The following MAP2K1 variants were observed in gnomAD, a reference collection of about 807,000 sequenced individuals.
MAP2K1 encodes dual specificity mitogen-activated protein kinase kinase 1.
A neutral mutation model predicts 46.3 loss-of-function variants in MAP2K1; 16 were observed. The observed-to-expected ratio is 0.35, with a 90% CI of 0.23 to 0.52. The LOEUF (loss-of-function observed/expected upper bound fraction) is 0.52. MAP2K1 is among the 20% of genes least tolerant of loss of function. The probability of loss-of-function intolerance (pLI) is 0.94; values close to 1 mark genes in which losing one functional copy is unlikely to be tolerated. For synonymous variants in MAP2K1, 183 were observed against 185.6 expected, an observed-to-expected ratio of 0.99 and a Z score of 0.11; for missense variants, 263 against 497.1, an observed-to-expected ratio of 0.53 and a Z score of 4.48.
At chr15:66,473,058 G>C (rs1423971395) in intron 5 of MAP2K1, among the ~76,000 whole-genome samples, 1 of 152,168 alleles carries the variant, frequency 6.6e-6, no homozygotes, top group Non-Finnish European at 1.5e-5. Flanking sequence ...AAGAACTCAA[G>C]TTAGCCAGGT....
intron 1 of MAP2K1, chr15:66,415,101 G>A (rs1201044951): frequency 1.9e-6 from 1 of 517,462 alleles, no homozygotes; most frequent in East Asian, 5.4e-5. Flanking sequence ...CTCCGGTAGT[G>A]CCACTATTGC....
At chr15:66,436,058 C>T (rs1157269560) in intron 2 of MAP2K1, among the ~76,000 whole-genome samples, 2 of 152,144 alleles carry the variant, frequency 1.3e-5, no homozygotes, top group Non-Finnish European at 2.9e-5. Context: ...GGTGTTCACT[C>T]CTGTGCCCAT....
intron 1 of MAP2K1, among the ~76,000 whole-genome samples, chr15:66,410,205 G>A (rs763383451): frequency 1.1e-4 from 16 of 152,188 alleles, no homozygotes; most frequent in Non-Finnish European, 2.2e-4. Flanking sequence ...AGAGTCTATG[G>A]CATGTTCAGT....
At chr15:66,463,011 C>G (rs1012516810) in intron 5 of MAP2K1, among the ~76,000 whole-genome samples, 1 of 152,204 alleles carries the variant, frequency 6.6e-6, no homozygotes, top group Non-Finnish European at 1.5e-5. Flanking sequence ...AAGACACCAC[C>G]TCTCAGCAAC....
chr15:66,461,380 G>C (rs1217344344), intron 5 of MAP2K1, among the ~76,000 whole-genome samples: 1 of 151,966 alleles, frequency 6.6e-6, no homozygotes, highest in Non-Finnish European at 1.5e-5. Flanking sequence ...AGCAGGCTTA[G>C]GCACGAGACT....
Position 66,481,888 on chromosome 15 carries a change from A to AGAAGTTTCCATTGCTT in MAP2K1, c.693+12_693+27dup, listed in dbSNP as rs1892923065. 1 of 1,613,118 alleles carries AGAAGTTTCCATTGCTT rather than the reference A, an allele frequency of 6.2e-7. No homozygotes were observed. Among genetic ancestry groups the AGAAGTTTCCATTGCTT allele is most frequent in the Non-Finnish European group, 8.5e-7 (1 of 1,179,420 alleles). ...CAAGGTCCTACATGTCGGTATGAAC[A>AGAAGTTTCCATTGCTT]GAAGTTTCCATTGCTTGAGCTTCTT... On this transcript the variant is annotated intron_variant, in intron 6 of 10. Coordinates refer to ENST00000307102, the MANE Select transcript of MAP2K1 (RefSeq NM_002755.4).
intron 1 of MAP2K1, among the ~76,000 whole-genome samples, chr15:66,398,375 A>G (rs1043288605): frequency 2.6e-5 from 4 of 152,176 alleles, no homozygotes; most frequent in East Asian, 1.9e-4. Context: ...TAATCGTGCC[A>G]CTGCACTCTA....
At chr15:66,398,137 G>T (rs541530931) in intron 1 of MAP2K1, among the ~76,000 whole-genome samples, 2 of 151,712 alleles carry the variant, frequency 1.3e-5, no homozygotes, top group African/African-American at 4.8e-5. Context: ...GGGCATGGTG[G>T]CACACACCTG....
intron 5 of MAP2K1, among the ~76,000 whole-genome samples, chr15:66,449,598 A>G (rs1891979453): frequency 6.6e-6 from 1 of 152,204 alleles, no homozygotes; most frequent in Non-Finnish European, 1.5e-5. Flanking sequence ...TGGTAACTGT[A>G]GGCTGGGTGC....
Position 66,469,693 on chromosome 15 carries a change from G to GACACAC in MAP2K1, c.569-12036_569-12031dup, listed in dbSNP as rs56197290. Among the ~76,000 whole-genome samples, 110 of 84,912 alleles carry GACACAC rather than the reference G, an allele frequency of 1.3e-3. 5 individuals carry two copies. The highest frequency in any genetic ancestry group is 3.4e-3 in the African/African-American group (76 of 22,572). 55.7% of individuals were successfully genotyped at this position (84,912 alleles called of 152,430 possible). ...ACCCAAAACATAAAATCCTTTTAAAGACACACACACACACACACACACACA... is the reference window on the plus strand; with the variant it reads ...ACCCAAAACATAAAATCCTTTTAAAGACACACACACACACACACACACACACACACA... On this transcript the variant is annotated intron_variant, in intron 5 of 10. Transcript: ENST00000307102.
chr15:66,452,627 G>C (rs969234039), intron 5 of MAP2K1, among the ~76,000 whole-genome samples: 1 of 152,204 alleles, frequency 6.6e-6, no homozygotes, highest in Non-Finnish European at 1.5e-5. Flanking sequence ...TGAGGTCAGT[G>C]TTGTAGGAAC....
chr15:66,458,059 G>A (rs1278958193), intron 5 of MAP2K1, among the ~76,000 whole-genome samples: 1 of 152,146 alleles, frequency 6.6e-6, no homozygotes, highest in Admixed American at 6.5e-5. Context: ...GTGGGTAGGA[G>A]ACAGGATTAT....
At chr15:66,468,672 C>G (rs1354259548) in intron 5 of MAP2K1, among the ~76,000 whole-genome samples, 4 of 152,128 alleles carry the variant, frequency 2.6e-5, no homozygotes, top group Admixed American at 2.6e-4. Flanking sequence ...GTGGCTCACA[C>G]CTGTAATCCC....
intron 1 of MAP2K1, among the ~76,000 whole-genome samples, chr15:66,420,918 CATACATAT>C (rs2093440003): frequency 7.1e-6 from 1 of 140,044 alleles, no homozygotes; most frequent in African/African-American, 2.6e-5. Context: ...CACACACATA[CATACATAT>C]ATATACACAC....
chr15:66,456,750 G>A (rs1892175455), intron 5 of MAP2K1, among the ~76,000 whole-genome samples: 1 of 152,192 alleles, frequency 6.6e-6, no homozygotes, highest in African/African-American at 2.4e-5. Flanking sequence ...GCCACCCTGG[G>A]TTATACACTC....
At chr15:66,447,423 C>T (rs1239787189) in intron 5 of MAP2K1, among the ~76,000 whole-genome samples, 2 of 151,994 alleles carry the variant, frequency 1.3e-5, no homozygotes, top group African/African-American at 4.8e-5. Context: ...GGCGTAGTGG[C>T]TCATGCATAG....
rs533848560 is a variant in MAP2K1, at chr15:66,410,047, G to A, written c.80+22620G>A. On this transcript the variant is annotated intron_variant, in intron 1 of 10. Transcript: ENST00000307102. ...TCCTGTATGTATATATGAAGAGGTTGAGGCCCAGAGAGACTGGGCAGCCTA... is the reference window on the plus strand; with the variant it reads ...TCCTGTATGTATATATGAAGAGGTTAAGGCCCAGAGAGACTGGGCAGCCTA... Among the ~76,000 whole-genome samples the A allele has an allele frequency of 5.3e-5, 8 of 152,272 alleles. 1 individual carries two copies. In the East Asian group the frequency reaches 1.5e-3, roughly 29 times the overall value.
chr15:66,392,516 A>G (rs1341427016), intron 1 of MAP2K1, among the ~76,000 whole-genome samples: 2 of 149,438 alleles, frequency 1.3e-5, no homozygotes, highest in African/African-American at 2.5e-5. Flanking sequence ...ACCATCCCTA[A>G]ATTTTATATC....
Position 66,436,850 on chromosome 15 carries a change from G to T in MAP2K1, c.396G>T (p.Ala132=), listed in dbSNP as rs139364105. The T allele has an allele frequency of 1.2e-5, 20 of 1,614,058 alleles. 1 individual carries two copies. In the South Asian group the frequency reaches 2.2e-4, roughly 18 times the overall value. ...NSPYIVGFYG[A]FYSDGEISIC... is the part of the protein sequence containing the mutation. Reference sequence around the variant, plus strand: ...CGTACATCGTGGGCTTCTATGGTGCGTTCTACAGCGATGGCGAGATCAGTA... The same window carrying T: ...CGTACATCGTGGGCTTCTATGGTGCTTTCTACAGCGATGGCGAGATCAGTA... Residue 132 remains alanine, a synonymous_variant, in exon 3 of 11, where the codon GCG becomes GCT. Transcript: ENST00000307102.
Sources: allele counts gnomAD v4.1 joint callset (sites outside exome capture counted in the v4.1 genomes callset), GRCh38; gene constraint gnomAD v4.1.1; transcripts MANE v1.5; gene names NCBI Gene and HGNC (gene_info 2026-07-23, HGNC 2026-07-21).